Variants in SH3KBP1 observed in about 807,000 individuals in gnomAD.
SH3KBP1 encodes SH3 domain-containing kinase-binding protein 1.
In SH3KBP1, 8 loss-of-function variants were observed where a neutral mutation model predicts 50.1. That is an observed-to-expected ratio of 0.16 (90% CI 0.09 to 0.29). The LOEUF is 0.29. Among genes scored for constraint, SH3KBP1 ranks in the 10% least tolerant of loss-of-function variants. SH3KBP1 has a pLI of 1.00. For missense variants in SH3KBP1, 377 were observed against 535.2 expected (o/e 0.70, Z 2.92); for synonymous variants, 227 against 218.6 (o/e 1.04, Z -0.34).
chrX:19,727,085 T>C (rs2064241582), intron 3 of SH3KBP1, among the ~76,000 whole-genome samples: 1 of 112,058 alleles, frequency 8.9e-6, no homozygotes, highest in African/African-American at 3.2e-5. Flanking sequence ...TGATAGAATT[T>C]CTTAGCTGGT....
intron 2 of SH3KBP1, among the ~76,000 whole-genome samples, chrX:19,801,113 G>C (rs1364864461): frequency 8.1e-5 from 9 of 111,668 alleles, no homozygotes. Context: ...TTCAGGGTGG[G>C]CAGGGGGAAC....
At chrX:19,548,416 C>T (rs2065144153) in intron 14 of SH3KBP1, among the ~76,000 whole-genome samples, 1 of 110,804 alleles carries the variant, frequency 9.0e-6, no homozygotes, top group African/African-American at 3.3e-5. Flanking sequence ...TAAGAGCCAA[C>T]TAAACAGGTC....
intron 7 of SH3KBP1, among the ~76,000 whole-genome samples, chrX:19,641,750 AC>A (rs2061862161): frequency 8.9e-6 from 1 of 112,156 alleles, no homozygotes; most frequent in Non-Finnish European, 1.9e-5. Context: ...GATGTTTCTT[AC>A]CATTGTGTTT....
intron 6 of SH3KBP1, chrX:19,670,267 C>T: frequency 1.8e-6 from 1 of 566,227 alleles, no homozygotes; most frequent in African/African-American, 2.5e-5. Context: ...ATCTTTACCC[C>T]ATCATAAAAA....
chrX:19,702,971 C>T lies in SH3KBP1; in HGVS notation c.390+3910G>A, dbSNP rs2063562758. ...GGTTCACAATGATGATTTCTTTTCA[C>T]AGCACAACCACCACTCTCCAGCCAG... On this transcript the variant is annotated intron_variant, in intron 4 of 17. Transcript: ENST00000397821. Among the ~76,000 whole-genome samples the T allele has an allele frequency of 2.7e-5, 3 of 112,337 alleles. No homozygotes were observed. In the South Asian group the frequency reaches 1.1e-3, roughly 41 times the overall value.
chrX:19,643,043 A>G (rs1030819394), intron 7 of SH3KBP1, among the ~76,000 whole-genome samples: 6 of 110,879 alleles, frequency 5.4e-5, no homozygotes, highest in Non-Finnish European at 1.1e-4. Flanking sequence ...GGCCAGAAGG[A>G]AGAGGGAAGG....
intron 2 of SH3KBP1, among the ~76,000 whole-genome samples, chrX:19,785,363 C>CA (rs373801274): frequency 0.052 from 4,416 of 84,657 alleles, 303 homozygotes; most frequent in African/African-American, 0.17. Flanking sequence ...ACAAAAAATA[C>CA]AAAAAAAAAA....
intron 5 of SH3KBP1, chrX:19,687,813 C>T (rs1446400405): frequency 5.9e-6 from 3 of 510,799 alleles, no homozygotes; most frequent in Non-Finnish European, 1.0e-5. Flanking sequence ...AATGAATCTG[C>T]TGCAAGAGCT....
intron 17 of SH3KBP1, 78 bp downstream of exon 17, chrX:19,537,639 T>A (rs1479346790): frequency 1.2e-6 from 1 of 829,522 alleles, no homozygotes; most frequent in African/African-American, 2.1e-5. Context: ...AATCATTTAT[T>A]TTTGAAATAA....
intron 3 of SH3KBP1, among the ~76,000 whole-genome samples, chrX:19,734,470 GCAGA>G (rs977765141): frequency 2.6e-4 from 29 of 111,993 alleles, no homozygotes; most frequent in African/African-American, 9.1e-4. Context: ...AGAGAAAGAG[GCAGA>G]CAGACAGACA....
intron 6 of SH3KBP1, chrX:19,670,728 T>C (rs2062767060): frequency 1.6e-6 from 1 of 630,076 alleles, no homozygotes; most frequent in South Asian, 3.9e-5. Context: ...GGATCCTAGC[T>C]GGCACACACA....
chrX:19,645,573 G>T, intron 6 of SH3KBP1, 98 bp from the exon 7 acceptor site: 1 of 689,703 alleles, frequency 1.4e-6, no homozygotes, highest in Non-Finnish European at 2.3e-6. Context: ...CTCGAAATTG[G>T]TTTAAAAAGC....
At chrX:19,851,007 T>C (rs766799247) in intron 1 of SH3KBP1, among the ~76,000 whole-genome samples, 1 of 111,210 alleles carries the variant, frequency 9.0e-6, no homozygotes, top group Non-Finnish European at 1.9e-5. Context: ...CATGCCTGTC[T>C]CCTCCACACC....
intron 1 of SH3KBP1, among the ~76,000 whole-genome samples, chrX:19,859,008 G>T (rs908804639): frequency 8.9e-5 from 10 of 112,281 alleles, no homozygotes; most frequent in Non-Finnish European, 1.9e-4. Context: ...CTGGCAGAAA[G>T]AACTTCGCAT....
intron 9 of SH3KBP1, among the ~76,000 whole-genome samples, chrX:19,597,174 G>A (rs1017133119): frequency 8.9e-6 from 1 of 112,118 alleles, no homozygotes; most frequent in Non-Finnish European, 1.9e-5. Flanking sequence ...GCTGCAGAAC[G>A]GATGTTGTAG....
chrX:19,554,586 G>A (rs1158220518), intron 13 of SH3KBP1, among the ~76,000 whole-genome samples: 4 of 108,431 alleles, frequency 3.7e-5, no homozygotes, highest in Non-Finnish European at 7.6e-5. Flanking sequence ...ATTTTTAGTA[G>A]AGACGGGGTT....
chrX:19,669,641 C>T (rs1205149156), intron 6 of SH3KBP1, among the ~76,000 whole-genome samples: 2 of 111,723 alleles, frequency 1.8e-5, no homozygotes, highest in Non-Finnish European at 3.8e-5. Flanking sequence ...TTCTACTCAT[C>T]AGAACTCAGA....
intron 1 of SH3KBP1, among the ~76,000 whole-genome samples, chrX:19,850,656 T>C (rs1198711473): frequency 1.8e-5 from 2 of 111,325 alleles, no homozygotes; most frequent in African/African-American, 3.3e-5. Flanking sequence ...ATTGTGATTA[T>C]GGTTTTTAGC....
At chrX:19,785,503 G>A (rs1201225470) in intron 2 of SH3KBP1, among the ~76,000 whole-genome samples, 1 of 111,420 alleles carries the variant, frequency 9.0e-6, no homozygotes, top group Non-Finnish European at 1.9e-5. Flanking sequence ...ACTCCAACCT[G>A]GGCTACAGAG....
Sources: gnomAD v4.1 joint callset for allele counts (sites outside exome capture counted in the v4.1 genomes callset) on GRCh38, gnomAD v4.1.1 for gene constraint, MANE v1.5 for transcripts, NCBI Gene and HGNC (gene_info 2026-07-23, HGNC 2026-07-21) for gene names.